The following DCC variants were observed in gnomAD, a reference collection of about 807,000 sequenced individuals.
The protein encoded by DCC is DCC netrin 1 receptor.
DCC carries 58 observed loss-of-function variants against 172.5 expected under a neutral mutation model. The ratio of observed to expected loss-of-function variants is 0.34; its 90% CI spans 0.27 to 0.42. DCC has a LOEUF of 0.42. Ranked by LOEUF, DCC falls within the 10% of genes least tolerant of loss-of-function variation. The pLI is 1.00. For missense variants in DCC, 1,740 were observed against 1,791.0 expected (o/e 0.97, Z 0.51); for synonymous variants, 709 against 644.5 (o/e 1.10, Z -1.52).
intron 2 of DCC, among the ~76,000 whole-genome samples, chr18:52,797,612 G>T (rs2037900395): frequency 1.3e-5 from 2 of 152,318 alleles, no homozygotes; most frequent in South Asian, 4.1e-4. Flanking sequence ...CATCAGCTGG[G>T]TTAGTTCTTG....
chr18:53,381,957 C>A (rs1433624416), intron 15 of DCC, among the ~76,000 whole-genome samples: 1 of 151,794 alleles, frequency 6.6e-6, no homozygotes, highest in Non-Finnish European at 1.5e-5. Flanking sequence ...AATAGTGGCT[C>A]CACTCTTTAG....
intron 5 of DCC, among the ~76,000 whole-genome samples, chr18:52,959,604 A>G (rs1038513244): frequency 2.6e-5 from 4 of 151,960 alleles, no homozygotes; most frequent in Non-Finnish European, 4.4e-5. Flanking sequence ...CCCAAACTTA[A>G]GTTTATTTAA....
intron 2 of DCC, among the ~76,000 whole-genome samples, chr18:52,782,737 C>A (rs2145189101): frequency 6.6e-6 from 1 of 152,150 alleles, no homozygotes; most frequent in East Asian, 1.9e-4. Flanking sequence ...ATTCCAACCT[C>A]TCTTGTTCCT....
At chr18:52,964,348 C>G (rs770868507) in intron 5 of DCC, among the ~76,000 whole-genome samples, 23 of 151,908 alleles carry the variant, frequency 1.5e-4, no homozygotes, top group Non-Finnish European at 2.8e-4. Context: ...TCAAATTGTC[C>G]ATTATTTGTT....
intron 18 of DCC, among the ~76,000 whole-genome samples, chr18:53,399,003 T>C (rs1909132980): frequency 6.6e-6 from 1 of 152,144 alleles, no homozygotes; most frequent in Admixed American, 6.5e-5. Flanking sequence ...CATATGGGGC[T>C]ACACCATTAT....
At chr18:53,516,825 T>C (rs2046339495) in intron 27 of DCC, among the ~76,000 whole-genome samples, 2 of 141,170 alleles carry the variant, frequency 1.4e-5, no homozygotes, top group African/African-American at 6.0e-5. Context: ...TGTGGAGAAA[T>C]AGGAACACTT....
At chr18:53,138,617 A>T (rs1228659587) in intron 7 of DCC, among the ~76,000 whole-genome samples, 1 of 152,230 alleles carries the variant, frequency 6.6e-6, no homozygotes, top group Non-Finnish European at 1.5e-5. Context: ...TCTTAATTTT[A>T]TCATGTACAA....
At chr18:53,106,129 A>C (rs746843128) in intron 7 of DCC, among the ~76,000 whole-genome samples, 3 of 151,708 alleles carry the variant, frequency 2.0e-5, no homozygotes, top group Non-Finnish European at 4.4e-5. Context: ...GACACATCAG[A>C]TTGTTTTCTC....
chr18:52,642,362 T>C (rs11661273), intron 1 of DCC, among the ~76,000 whole-genome samples: 19,650 of 151,902 alleles, frequency 0.13, 1,480 homozygotes, highest in Admixed American at 0.2. Flanking sequence ...ACTAAAAATA[T>C]GGTGCAGTGT....
At chr18:52,547,499 A>C (rs959768052) in intron 1 of DCC, among the ~76,000 whole-genome samples, 1 of 152,130 alleles carries the variant, frequency 6.6e-6, no homozygotes, top group Non-Finnish European at 1.5e-5. Context: ...TGGGAGATAG[A>C]TAGGTAAATT....
At chr18:52,404,802 T>A in intron 1 of DCC, among the ~76,000 whole-genome samples, 1 of 117,462 alleles carries the variant, frequency 8.5e-6, no homozygotes. Flanking sequence ...CCCAATGCTA[T>A]CCCTCCCCCC....
At chr18:52,540,030 G>A (rs2144699912) in intron 1 of DCC, among the ~76,000 whole-genome samples, 1 of 152,206 alleles carries the variant, frequency 6.6e-6, no homozygotes, top group Admixed American at 6.5e-5. Context: ...ATGTTCAGTG[G>A]CATTATCTTG....
chr18:52,383,875 T>A (rs1436400735), intron 1 of DCC, among the ~76,000 whole-genome samples: 1 of 152,078 alleles, frequency 6.6e-6, no homozygotes, highest in Non-Finnish European at 1.5e-5. Flanking sequence ...TTTCTCTTGG[T>A]TTTTCTTTAG....
intron 7 of DCC, among the ~76,000 whole-genome samples, chr18:53,140,976 T>C (rs1470096838): frequency 2.0e-5 from 3 of 152,162 alleles, no homozygotes; most frequent in African/African-American, 4.8e-5. Context: ...AGAAATTTAA[T>C]GGCACAAGAA....
intron 12 of DCC, among the ~76,000 whole-genome samples, chr18:53,232,585 G>A (rs1397393617): frequency 1.3e-5 from 2 of 152,064 alleles, no homozygotes; most frequent in East Asian, 3.9e-4. Context: ...TAACCCCACT[G>A]CTACAACCTC....
intron 25 of DCC, among the ~76,000 whole-genome samples, chr18:53,473,988 G>C (rs2045730564): frequency 6.6e-6 from 1 of 151,564 alleles, no homozygotes. Flanking sequence ...TATTCTACAT[G>C]AATGGAACCC....
At chr18:53,425,172 A>T (rs1310472251) in intron 21 of DCC, among the ~76,000 whole-genome samples, 2 of 150,616 alleles carry the variant, frequency 1.3e-5, no homozygotes, top group Non-Finnish European at 3.0e-5. Flanking sequence ...TTTTTCCAGT[A>T]CTCTGCATGG....
At chr18:53,361,347 T>C (rs1012961486) in intron 15 of DCC, among the ~76,000 whole-genome samples, 3 of 152,014 alleles carry the variant, frequency 2.0e-5, no homozygotes, top group African/African-American at 7.2e-5. Flanking sequence ...TGTTGGACTT[T>C]CCCCCCCAAT....
At chr18:52,901,882 C>T (rs999182699) in intron 2 of DCC, among the ~76,000 whole-genome samples, 4 of 152,172 alleles carry the variant, frequency 2.6e-5, no homozygotes, top group African/African-American at 9.7e-5. Flanking sequence ...TGTAGAAATA[C>T]TTTTCAAGCT....
Sources: allele counts gnomAD v4.1 joint callset (sites outside exome capture counted in the v4.1 genomes callset), GRCh38; gene constraint gnomAD v4.1.1; transcripts MANE v1.5; gene names NCBI Gene and HGNC (gene_info 2026-07-23, HGNC 2026-07-21).